The following ADSL variants were observed in gnomAD, a reference collection of about 807,000 sequenced individuals.
The protein encoded by ADSL is adenylosuccinase.
A neutral mutation model predicts 62.1 loss-of-function variants in ADSL; 44 were observed. The ratio of observed to expected loss-of-function variants is 0.71; its 90% CI spans 0.56 to 0.91. The LOEUF is 0.91. Among genes scored for constraint, ADSL ranks in the 40% least tolerant of loss-of-function variants. The pLI, the probability that ADSL is intolerant of heterozygous loss-of-function variation, is 0.00. For synonymous variants in ADSL, 198 were observed against 220.5 expected, an observed-to-expected ratio of 0.90 and a Z score of 0.90; for missense variants, 531 against 627.4, an observed-to-expected ratio of 0.85 and a Z score of 1.64.
At position 40,367,695 on chromosome 22, in the gene ADSL, A is replaced by G. The variant is rs146937362; in HGVS notation, c.*1173A>G. 168 of 166,392 alleles carry G rather than the reference A, an allele frequency of 1.0e-3. 1 individual carries two copies. Among genetic ancestry groups the G allele is most frequent in the Non-Finnish European group, 9.2e-4 (63 of 68,126 alleles). 10.3% of individuals were successfully genotyped at this position (166,392 alleles called of 1,614,324 possible). On this transcript the variant is annotated 3_prime_UTR_variant, in exon 13 of 13. Transcript: ENST00000623063. ...CACTAGTGTTATTTAGCCCATTCTC[A>G]TCCTACATATTTTTCGGCATAGATG...
intron 9 of ADSL, among the ~76,000 whole-genome samples, chr22:40,362,588 G>T (rs2044832842): frequency 6.6e-6 from 1 of 152,216 alleles, no homozygotes. Context: ...AGACTGGCCA[G>T]CCCAGCCCTG....
downstream of ADSL, among the ~76,000 whole-genome samples, chr22:40,371,152 C>A (rs1569113999): frequency 6.6e-6 from 1 of 152,228 alleles, no homozygotes; most frequent in South Asian, 2.1e-4. Flanking sequence ...GGGCTCGGAT[C>A]CAGGCCCGAG....
chr22:40,386,369 AG>A (rs1364280189), intron 2 of ADSL, among the ~76,000 whole-genome samples: 1 of 152,170 alleles, frequency 6.6e-6, no homozygotes, highest in Non-Finnish European at 1.5e-5. Flanking sequence ...CAACAGTAAG[AG>A]GACAACCTCG....
intron 4 of ADSL, among the ~76,000 whole-genome samples, chr22:40,357,215 T>C (rs1013900902): frequency 1.3e-5 from 2 of 150,754 alleles, no homozygotes; most frequent in African/African-American, 4.9e-5. Flanking sequence ...TGTTTTATGT[T>C]CAGAAACAGA....
At chr22:40,382,661 G>A (rs1224622251) in intron 2 of ADSL, among the ~76,000 whole-genome samples, 4 of 152,176 alleles carry the variant, frequency 2.6e-5, no homozygotes, top group Admixed American at 1.3e-4. Context: ...CTGGGTTCAC[G>A]GGGAGTGGAT....
At chr22:40,369,754 C>T (rs766430544), downstream of ADSL, among the ~76,000 whole-genome samples, 10 of 152,080 alleles carry the variant, frequency 6.6e-5, no homozygotes, top group African/African-American at 9.7e-5. Context: ...TAAATTCACA[C>T]GGACTCCAGC....
downstream of ADSL, among the ~76,000 whole-genome samples, chr22:40,372,480 G>A (rs751633413): frequency 3.3e-5 from 5 of 152,102 alleles, no homozygotes; most frequent in South Asian, 4.1e-4. Flanking sequence ...AGAGGGTGAG[G>A]TGTCTATTGA....
At chr22:40,358,368 G>C (rs753846963) in intron 4 of ADSL, among the ~76,000 whole-genome samples, 13 of 152,252 alleles carry the variant, frequency 8.5e-5, no homozygotes, top group Non-Finnish European at 1.8e-4. Flanking sequence ...TGGATCGCTT[G>C]AGACATAGAG....
intron 4 of ADSL, among the ~76,000 whole-genome samples, chr22:40,357,041 G>A (rs1601575833): frequency 2.0e-5 from 3 of 152,060 alleles, no homozygotes; most frequent in Admixed American, 6.5e-5. Flanking sequence ...GATTACAGGT[G>A]TGCACCACCA....
Position 40,360,417 on chromosome 22 carries a change from A to G in ADSL, c.717A>G (p.Thr239=). ...TTATTCCTAGAGCTTTCATCATCAC[A>G]GGGCAGACATATACACGAAAAGTGG... ...KAGFKRAFII[T]GQTYTRKVDI... is the part of the protein sequence containing the mutation. Residue 239 remains threonine (T), a synonymous_variant, in exon 7 of 13, where the codon ACA becomes ACG. Coordinates refer to ENST00000623063, the MANE Select transcript of ADSL (RefSeq NM_000026.4). 6.2e-7 allele frequency: 1 copy of G among 1,613,454 alleles called. No homozygotes were observed. The highest frequency in any genetic ancestry group is 8.5e-7 in the Non-Finnish European group (1 of 1,179,704).
intron 6 of ADSL, among the ~76,000 whole-genome samples, 170 bp downstream of exon 6, chr22:40,359,476 CTTTT>C (rs56719087): frequency 2.3e-5 from 1 of 43,868 alleles, no homozygotes; most frequent in African/African-American, 1.3e-4. Flanking sequence ...TATCTGGATT[CTTTT>C]TTTTTTTTTT....
At chr22:40,378,967 G>A (rs1240819106) in intron 2 of ADSL, among the ~76,000 whole-genome samples, 1 of 152,072 alleles carries the variant, frequency 6.6e-6, no homozygotes, top group Non-Finnish European at 1.5e-5. Flanking sequence ...GCTTCCATCA[G>A]CTCCTCACCT....
intron 2 of ADSL, among the ~76,000 whole-genome samples, chr22:40,377,110 A>G (rs902137607): frequency 2.6e-5 from 4 of 152,198 alleles, no homozygotes; most frequent in African/African-American, 9.7e-5. Flanking sequence ...TAGTAGACAT[A>G]AGTTGTTTTG....
At chr22:40,355,605 C>T (rs1409082672) in intron 4 of ADSL, among the ~76,000 whole-genome samples, 1 of 152,112 alleles carries the variant, frequency 6.6e-6, no homozygotes, top group African/African-American at 2.4e-5. Context: ...GTTTCATTTA[C>T]CCAATTGTCA....
At position 40,376,178 on chromosome 22, in the gene ADSL, C is replaced by CTTTTTTTTT. The variant is rs10616868; in HGVS notation, c.89+9704_89+9712dup. 3.5e-4 allele frequency: 30 copies of CTTTTTTTTT among 86,868 alleles called. 1 individual carries two copies. Among genetic ancestry groups the CTTTTTTTTT allele is most frequent in the South Asian group, 1.0e-3 (2 of 1,988 alleles). 5.4% of individuals were successfully genotyped at this position (86,868 alleles called of 1,614,324 possible). ...GGATAGGGTTAAAGTCAAATTACCA[C>CTTTTTTTTT]TTTTTTTTTTTTTTTTTTTTTTTTT... On this transcript the variant is annotated intron_variant, in intron 2 of 2. Transcript: ENST00000498234.
intron 2 of ADSL, chr22:40,376,532 A>AT (rs2046634462): frequency 6.6e-6 from 1 of 152,162 alleles, no homozygotes; most frequent in Non-Finnish European, 1.5e-5. Flanking sequence ...AAATGGAATA[A>AT]TTAGTGCTAC....
At chr22:40,364,195 ATT>A in intron 10 of ADSL, 79 bp from the exon 11 acceptor site, 1 of 1,096,446 alleles carries the variant, frequency 9.1e-7, no homozygotes, top group Non-Finnish European at 1.4e-6. Flanking sequence ...TGTGCTGTGC[ATT>A]TTGTTTGACA....
At chr22:40,373,068 T>C (rs1225487241), downstream of ADSL, 1 of 152,214 alleles carries the variant, frequency 6.6e-6, no homozygotes, top group Non-Finnish European at 1.5e-5. Context: ...ACAAGATATG[T>C]GGGAGGGGTT....
At chr22:40,364,045 C>A (rs1313759588) in intron 10 of ADSL, among the ~76,000 whole-genome samples, 1 of 151,698 alleles carries the variant, frequency 6.6e-6, no homozygotes, top group African/African-American at 2.4e-5. Flanking sequence ...CCACTGCACT[C>A]CAGCCTGGGC....
Sources: allele counts gnomAD v4.1 joint callset (sites outside exome capture counted in the v4.1 genomes callset), GRCh38; gene constraint gnomAD v4.1.1; transcripts MANE v1.5; gene names NCBI Gene and HGNC (gene_info 2026-07-23, HGNC 2026-07-21).